Variants in ZFHX3 observed in about 807,000 individuals in gnomAD.
The protein encoded by ZFHX3 is zinc finger homeobox protein 3.
A neutral mutation model predicts 279.1 loss-of-function variants in ZFHX3; 42 were observed. The ratio of observed to expected loss-of-function variants is 0.15; its 90% CI spans 0.12 to 0.19. ZFHX3 has a LOEUF of 0.19. ZFHX3 is among the 10% of genes least tolerant of loss of function. The pLI is 1.00. For synonymous variants in ZFHX3, 2,293 were observed against 1,957.8 expected (o/e 1.17, Z -4.52); for missense variants, 4,981 against 4,754.0 (o/e 1.05, Z -1.40).
chr16:73,358,644 A>G (rs1178024175), intron 3 of ZFHX3, among the ~76,000 whole-genome samples: 3 of 152,250 alleles, frequency 2.0e-5, no homozygotes, highest in African/African-American at 7.2e-5. Context: ...GCAGCAACAG[A>G]TAACTAATGC....
At chr16:73,637,717 G>A (rs939239667) in intron 2 of ZFHX3, among the ~76,000 whole-genome samples, 54 of 151,908 alleles carry the variant, frequency 3.6e-4, no homozygotes, top group Non-Finnish European at 7.5e-4. Context: ...AACTAACTCA[G>A]ATATAAAACT....
At chr16:73,473,481 C>CA (rs2018711896) in intron 2 of ZFHX3, among the ~76,000 whole-genome samples, 1 of 151,830 alleles carries the variant, frequency 6.6e-6, no homozygotes, top group Non-Finnish European at 1.5e-5. Flanking sequence ...CAGCAGTTGG[C>CA]AAAATCTGCC....
intron 3 of ZFHX3, 113 bp downstream of exon 3, chr16:72,950,356 C>G (rs1960922373): frequency 1.3e-6 from 2 of 1,492,032 alleles, no homozygotes; most frequent in Non-Finnish European, 1.8e-6. Context: ...AACCAACAGC[C>G]AAGCAGGCCA....
At chr16:72,987,568 T>C (rs1380023693) in intron 1 of ZFHX3, among the ~76,000 whole-genome samples, 1 of 152,172 alleles carries the variant, frequency 6.6e-6, no homozygotes, top group Admixed American at 6.5e-5. Context: ...CATGTATGCT[T>C]CAATGGTGTG....
intron 4 of ZFHX3, among the ~76,000 whole-genome samples, chr16:72,887,512 T>C (rs925667648): frequency 6.6e-6 from 1 of 151,244 alleles, no homozygotes; most frequent in African/African-American, 2.4e-5. Context: ...AAGGACTGAG[T>C]GTGGAGGGAG....
Position 73,453,863 on chromosome 16 carries a change from A to G in ZFHX3, c.-1291+2140T>C, listed in dbSNP as rs550221563. On this transcript the variant is annotated intron_variant, in intron 3 of 17. Transcript: ENST00000641206. Reference sequence around the variant, plus strand: ...CCATCAGGTCTTGTGAGACTTATTCACTATCACCAGAACAGCACAGAAAAG... The same window carrying G: ...CCATCAGGTCTTGTGAGACTTATTCGCTATCACCAGAACAGCACAGAAAAG... Among the ~76,000 whole-genome samples the G allele has an allele frequency of 2.0e-5, 3 of 152,282 alleles. No homozygotes were observed. In the South Asian group the frequency reaches 6.2e-4, roughly 32 times the overall value.
At position 73,795,767 on chromosome 16, in the gene ZFHX3, A is replaced by T. The variant is rs545460345; in HGVS notation, c.-1608+95884T>A. On this transcript the variant is annotated intron_variant, in intron 1 of 17. Coordinates refer to the ZFHX3 transcript ENST00000641206. The stretch of plus-strand genomic sequence containing the variant: ...CAGAATTTCAATTCTTTGACAACAG[A>T]TGTTTAAAAGTGTGAGTTAAGAGGT... 7.2e-5 allele frequency among the ~76,000 whole-genome samples: 11 copies of T among 152,272 alleles called. 1 individual carries two copies. The South Asian group carries it at 2.3e-3, about 32-fold the overall frequency.
chr16:73,087,830 C>CTT (rs780641598), intron 8 of ZFHX3, among the ~76,000 whole-genome samples: 3 of 146,862 alleles, frequency 2.0e-5, no homozygotes, highest in Non-Finnish European at 3.0e-5. Flanking sequence ...ATTTCTCTCT[C>CTT]TTTTTTTTTT....
chr16:73,352,475 T>TTTTTTC (rs1491165895), intron 3 of ZFHX3, among the ~76,000 whole-genome samples: 5 of 29,448 alleles, frequency 1.7e-4, no homozygotes, highest in African/African-American at 7.0e-4. Context: ...TCTCTCTCTC[T>TTTTTTC]TTTTTTTTTT....
intron 1 of ZFHX3, among the ~76,000 whole-genome samples, chr16:73,019,363 TGTGTGC>T (rs988379703): frequency 1.3e-4 from 20 of 151,736 alleles, no homozygotes; most frequent in African/African-American, 2.7e-4. Context: ...TGTGTGTGTG[TGTGTGC>T]GTGTGCGTGT....
chr16:73,166,987 T>A (rs1256286767), intron 5 of ZFHX3, among the ~76,000 whole-genome samples: 2 of 152,186 alleles, frequency 1.3e-5, no homozygotes, highest in Non-Finnish European at 1.5e-5. Context: ...TTTCCCCGAA[T>A]GAGATCAGTT....
At chr16:73,605,864 G>A (rs578157157) in intron 2 of ZFHX3, among the ~76,000 whole-genome samples, 6 of 151,922 alleles carry the variant, frequency 3.9e-5, no homozygotes, top group East Asian at 3.9e-4. Context: ...TATAAAAAAC[G>A]TTTTTTCTTC....
intron 4 of ZFHX3, among the ~76,000 whole-genome samples, chr16:72,869,949 C>T (rs1440490632): frequency 2.0e-5 from 3 of 152,314 alleles, no homozygotes; most frequent in Admixed American, 1.3e-4. Flanking sequence ...AGAAAGAACA[C>T]GCTTTCTTTT....
At chr16:73,401,244 T>C (rs1482952345) in intron 3 of ZFHX3, 4 of 152,128 alleles carry the variant, frequency 2.6e-5, no homozygotes, top group Middle Eastern at 3.2e-3. Context: ...CTTCCTCAGA[T>C]GGCCCTCACA....
chr16:73,379,785 C>T (rs143770245), intron 3 of ZFHX3, among the ~76,000 whole-genome samples: 1,642 of 152,270 alleles, frequency 0.011, 11 homozygotes, highest in Middle Eastern at 0.041. Context: ...AAGCACTTAT[C>T]CTACTCTGCA....
At chr16:73,569,778 C>T (rs549121243) in intron 2 of ZFHX3, among the ~76,000 whole-genome samples, 3 of 152,130 alleles carry the variant, frequency 2.0e-5, no homozygotes, top group African/African-American at 2.4e-5. Context: ...TGGGCAGGGC[C>T]GGAAGAGCAC....
chr16:73,818,939 A>T (rs1050140417), intron 1 of ZFHX3, among the ~76,000 whole-genome samples: 1 of 152,198 alleles, frequency 6.6e-6, no homozygotes, highest in Non-Finnish European at 1.5e-5. Flanking sequence ...TGATTAATGC[A>T]TCTGAACTAT....
chr16:73,542,460 G>A (rs1261153135), intron 2 of ZFHX3, among the ~76,000 whole-genome samples: 7 of 152,040 alleles, frequency 4.6e-5, no homozygotes, highest in East Asian at 1.9e-4. Context: ...GAGTTTATAC[G>A]TCCAGGTGGA....
chr16:73,120,735 C>A lies in ZFHX3; in HGVS notation c.-897+10233G>T, dbSNP rs562652367. ...AGTGGCAGGATCTTGGCTCACTGCA[C>A]CCTCCACCTCCCGGGTTCAAGTGAT... On this transcript the variant is annotated intron_variant, in intron 7 of 17. Transcript: ENST00000641206. Among the ~76,000 whole-genome samples the A allele has an allele frequency of 6.0e-5, 9 of 148,954 alleles. No individual in the cohort carries two copies. The South Asian group carries it at 1.9e-3, about 32-fold the overall frequency.
Sources: allele counts gnomAD v4.1 joint callset (sites outside exome capture counted in the v4.1 genomes callset), GRCh38; gene constraint gnomAD v4.1.1; transcripts MANE v1.5; gene names NCBI Gene and HGNC (gene_info 2026-07-23, HGNC 2026-07-21).